SMYD1: variants seen among roughly 807,000 people sequenced by gnomAD.
The protein encoded by SMYD1 is SET and MYND domain containing 1.
A neutral mutation model predicts 54.0 loss-of-function variants in SMYD1; 49 were observed. The observed-to-expected ratio is 0.91, with a 90% CI of 0.72 to 1.15. The LOEUF is 1.15. Among genes scored for constraint, SMYD1 ranks in the 50% most tolerant of loss-of-function variants. SMYD1 has a pLI of 0.00. For synonymous variants in SMYD1, 269 were observed against 234.2 expected (o/e 1.15, Z -1.36); for missense variants, 653 against 639.6 (o/e 1.02, Z -0.23).
At position 88,111,929 on chromosome 2, in the gene SMYD1, C is replaced by A. The variant is rs1011566155; in HGVS notation, c.*1417C>A. ...TGAAGTAAATTGATCCCACCAGGTC[C>A]CACGTTTGTTATCTCTGCCTAAATG... is the stretch of plus-strand genomic sequence containing the variant. On this transcript the variant is annotated 3_prime_UTR_variant, in exon 10 of 10. Coordinates refer to ENST00000419482, the MANE Select transcript of SMYD1 (RefSeq NM_198274.4). 107 of 641,152 alleles carry A rather than the reference C, an allele frequency of 1.7e-4. 1 individual carries two copies. In the East Asian group the frequency reaches 2.5e-3, roughly 15 times the overall value. 39.7% of individuals were successfully genotyped at this position (641,152 alleles called of 1,614,324 possible).
At chr2:88,087,232 T>C (rs1674350080) in intron 2 of SMYD1, among the ~76,000 whole-genome samples, 1 of 152,084 alleles carries the variant, frequency 6.6e-6, no homozygotes, top group African/African-American at 2.4e-5. Flanking sequence ...AGAGGTCAAG[T>C]GACTTGCCCA....
At chr2:88,068,233 C>T (rs954997471) in intron 1 of SMYD1, among the ~76,000 whole-genome samples, 7 of 152,196 alleles carry the variant, frequency 4.6e-5, no homozygotes, top group Admixed American at 2.0e-4. Flanking sequence ...GCAAAGGCTT[C>T]GGGGGCACTT....
intron 6 of SMYD1, among the ~76,000 whole-genome samples, chr2:88,097,056 A>G (rs1674606507): frequency 6.6e-6 from 1 of 152,208 alleles, no homozygotes; most frequent in Admixed American, 6.5e-5. Flanking sequence ...AGAGGTTGTT[A>G]TAAAGATTAA....
At chr2:88,073,814 C>G (rs1673999838) in intron 1 of SMYD1, among the ~76,000 whole-genome samples, 1 of 152,090 alleles carries the variant, frequency 6.6e-6, no homozygotes, top group African/African-American at 2.4e-5. Context: ...ATTGTTTTAA[C>G]TTGAATTTTT....
chr2:88,070,942 C>CAA (rs61024525), intron 1 of SMYD1, among the ~76,000 whole-genome samples: 875 of 59,398 alleles, frequency 0.015, 33 homozygotes, highest in African/African-American at 0.031. Context: ...GACTATTTCT[C>CAA]AAAAAAAAAA....
intron 9 of SMYD1, among the ~76,000 whole-genome samples, chr2:88,109,766 G>A (rs1674967372): frequency 6.6e-6 from 1 of 152,150 alleles, no homozygotes; most frequent in South Asian, 2.1e-4. Flanking sequence ...ACCAAGTGAG[G>A]GGCAGAGAAG....
intron 1 of SMYD1, 56 bp from the exon 2 acceptor site, chr2:88,084,260 G>T: frequency 1.4e-6 from 2 of 1,451,164 alleles, no homozygotes; most frequent in South Asian, 2.8e-5. Context: ...CCCACTGGCT[G>T]CAGGGTGCCC....
At chr2:88,095,407 C>T (rs1674559799) in intron 5 of SMYD1, among the ~76,000 whole-genome samples, 1 of 152,202 alleles carries the variant, frequency 6.6e-6, no homozygotes, top group African/African-American at 2.4e-5. Flanking sequence ...AAGTGGTCAC[C>T]TCAGATGCCT....
At chr2:88,077,800 T>G (rs546362367) in intron 1 of SMYD1, among the ~76,000 whole-genome samples, 1 of 149,912 alleles carries the variant, frequency 6.7e-6, no homozygotes, top group Admixed American at 6.7e-5. Context: ...CTCGGCTCAC[T>G]GCAAGCTCCG....
intron 3 of SMYD1, among the ~76,000 whole-genome samples, chr2:88,089,240 C>CCACA: frequency 6.6e-6 from 1 of 152,260 alleles, no homozygotes; most frequent in East Asian, 1.9e-4. Context: ...TGAGGCCCAC[C>CCACA]CACATTCTAG....
chr2:88,084,200 T>A, intron 1 of SMYD1, 116 bp from the exon 2 acceptor site: 2 of 813,868 alleles, frequency 2.5e-6, no homozygotes, highest in Non-Finnish European at 1.8e-6. Context: ...AAATCTGAAG[T>A]TTAGATAAAT....
chr2:88,076,700 A>G (rs923618473), intron 1 of SMYD1, among the ~76,000 whole-genome samples: 2 of 151,866 alleles, frequency 1.3e-5, no homozygotes, highest in Non-Finnish European at 2.9e-5. Context: ...GAGGGATGGG[A>G]TGTTCTTTAA....
chr2:88,110,136 G>A (rs1299620604), intron 9 of SMYD1, among the ~76,000 whole-genome samples: 1 of 151,654 alleles, frequency 6.6e-6, no homozygotes, highest in Non-Finnish European at 1.5e-5. Context: ...ACTCTCTCAG[G>A]GTTCTGACTC....
chr2:88,092,616 T>A (rs1044582526), intron 4 of SMYD1, among the ~76,000 whole-genome samples: 2 of 152,246 alleles, frequency 1.3e-5, no homozygotes, highest in Admixed American at 6.5e-5. Context: ...ATTGAGAAAG[T>A]CACTCAAGAT....
intron 6 of SMYD1, among the ~76,000 whole-genome samples, chr2:88,101,407 A>G (rs1674717727): frequency 6.6e-6 from 1 of 152,224 alleles, no homozygotes; most frequent in Non-Finnish European, 1.5e-5. Context: ...TGATATGGGA[A>G]AATGTCTACA....
chr2:88,109,850 G>A (rs1324076104), intron 9 of SMYD1, among the ~76,000 whole-genome samples: 2 of 152,188 alleles, frequency 1.3e-5, no homozygotes, highest in African/African-American at 2.4e-5. Flanking sequence ...ACTCACAGCT[G>A]TATCCTCGGC....
chr2:88,105,812 C>T (rs1021504439), intron 7 of SMYD1, among the ~76,000 whole-genome samples: 4 of 152,064 alleles, frequency 2.6e-5, no homozygotes, highest in African/African-American at 9.7e-5. Context: ...GTGGTGTGCA[C>T]CTGTAATCCC....
At chr2:88,097,449 T>G (rs1674619743) in intron 6 of SMYD1, among the ~76,000 whole-genome samples, 1 of 152,164 alleles carries the variant, frequency 6.6e-6, no homozygotes, top group African/African-American at 2.4e-5. Flanking sequence ...GTGAAGTATT[T>G]AATCACTTAC....
intron 1 of SMYD1, among the ~76,000 whole-genome samples, chr2:88,074,085 CAAACTACTG>C (rs1674005949): frequency 6.6e-6 from 1 of 152,170 alleles, no homozygotes; most frequent in African/African-American, 2.4e-5. Context: ...AGGCTGGTCT[CAAACTACTG>C]ACCTCAAGAG....
Sources: allele counts gnomAD v4.1 joint callset (sites outside exome capture counted in the v4.1 genomes callset), GRCh38; gene constraint gnomAD v4.1.1; transcripts MANE v1.5; gene names NCBI Gene and HGNC (gene_info 2026-07-23, HGNC 2026-07-21).